STPG1: variants seen among roughly 807,000 people sequenced by gnomAD.
STPG1 encodes the protein sperm tail PG-rich repeat containing 1.
In STPG1, 33 loss-of-function variants were observed where a neutral mutation model predicts 40.1. The observed-to-expected ratio is 0.82, with a 90% CI of 0.62 to 1.10. STPG1 has a LOEUF of 1.10. STPG1 is among the 50% of genes least tolerant of loss of function. STPG1 has a pLI of 0.00. For missense variants in STPG1, 396 were observed against 415.1 expected (o/e 0.95, Z 0.40); for synonymous variants, 150 against 155.0 (o/e 0.97, Z 0.24).
At position 24,373,763 on chromosome 1, in the gene STPG1, G is replaced by T. The variant is rs781296318; in HGVS notation, c.510C>A (p.Ala170=). ...CTCTTTGGGTTTTTGACATAAACCC[G>T]GCTCGAGTACAGACGTTGTTTCTCT... ...CKQRNNVCTR[A]GFMSKTQRGS... is the part of the protein sequence containing the mutation. The change falls in exon 6 of 9, where the codon GCC becomes GCA. Residue 170 remains alanine (A), a synonymous_variant. Transcript: ENST00000337248. 1 of 1,612,614 alleles carries T rather than the reference G, an allele frequency of 6.2e-7. No individual in the cohort carries two copies. Among genetic ancestry groups the T allele is most frequent in the African/African-American group, 1.3e-5 (1 of 74,888 alleles).
intron 2 of STPG1, among the ~76,000 whole-genome samples, chr1:24,395,779 A>G (rs984328109): frequency 3.3e-5 from 5 of 152,150 alleles, no homozygotes; most frequent in Admixed American, 6.5e-5. Context: ...AGTAATGATT[A>G]CTGGCCGGGT....
chr1:24,362,505 A>G (rs1641187431), intron 7 of STPG1, among the ~76,000 whole-genome samples: 1 of 152,220 alleles, frequency 6.6e-6, no homozygotes, highest in African/African-American at 2.4e-5. Context: ...ACAGCATTGC[A>G]AGGAACAATG....
intron 1 of STPG1, among the ~76,000 whole-genome samples, 166 bp downstream of exon 1, chr1:24,413,508 G>C (rs1643842944): frequency 1.3e-5 from 2 of 152,270 alleles, no homozygotes. Context: ...AACTCCCATG[G>C]TGGCTTCTTC....
At chr1:24,370,635 A>G (rs1378047440) in intron 6 of STPG1, among the ~76,000 whole-genome samples, 1 of 151,960 alleles carries the variant, frequency 6.6e-6, no homozygotes, top group Non-Finnish European at 1.5e-5. Context: ...GGGACTACAG[A>G]TGCCCACCAC....
At chr1:24,401,108 A>C (rs147571761) in intron 2 of STPG1, 1 of 452,458 alleles carries the variant, frequency 2.2e-6, no homozygotes, top group African/African-American at 2.0e-5. Flanking sequence ...ATTTTTTAAC[A>C]GACTTCCTCC....
chr1:24,391,906 T>C lies in STPG1; in HGVS notation c.71-227A>G, dbSNP rs890147097. The C allele has an allele frequency of 8.7e-5, 112 of 1,282,412 alleles. No individual in the cohort carries two copies. In the African/African-American group the frequency reaches 1.6e-3, roughly 19 times the overall value. The allele number at this position is 1,282,412 out of a possible 1,614,324, so 79.4% of individuals were successfully genotyped here. A position where few individuals can be genotyped will look rare whatever the true frequency, so the allele number is the denominator to read the frequency against. The stretch of plus-strand genomic sequence containing the variant: ...CCCTCCAGCTCTTAAATTAGTGAGA[T>C]GTGGTCACATAAAGTACCTTAAACA... On this transcript the variant is annotated intron_variant, in intron 2 of 8. Transcript: ENST00000337248.
intron 1 of STPG1, among the ~76,000 whole-genome samples, chr1:24,407,834 GCT>G (rs1643473499): frequency 6.6e-6 from 1 of 152,084 alleles, no homozygotes; most frequent in Non-Finnish European, 1.5e-5. Context: ...TTACATTTGG[GCT>G]CTTTTTCTAT....
Position 24,391,599 on chromosome 1 carries a change from C to T in STPG1, c.151G>A (p.Gly51Arg). 1.3e-6 allele frequency: 2 copies of T among 1,539,256 alleles called. No homozygotes were observed. Among genetic ancestry groups the T allele is most frequent in the Non-Finnish European group, 1.8e-6 (2 of 1,137,520 alleles). Residue 51 changes from glycine (G) to arginine (R), a missense_variant, in exon 3 of 9, where the codon GGA becomes AGA. Physicochemically the swap from Gly to Arg is moderately radical, Grantham distance 125. Transcript: ENST00000337248. ...ASVIPESEKK[G>R]FNSQAKRFPH... ...AATCTCTTGGCTTGACTATTGAATC[C>T]TTTTTTTTCTGATTCTGGGATTACT...
intron 1 of STPG1, among the ~76,000 whole-genome samples, chr1:24,401,700 T>C (rs1454304939): frequency 6.6e-6 from 1 of 152,202 alleles, no homozygotes; most frequent in African/African-American, 2.4e-5. Flanking sequence ...ATTTTTATTT[T>C]TTATTTTTTG....
chr1:24,405,185 T>A (rs1257713053), intron 1 of STPG1, among the ~76,000 whole-genome samples: 1 of 152,184 alleles, frequency 6.6e-6, no homozygotes, highest in Non-Finnish European at 1.5e-5. Context: ...CTCGAACTCC[T>A]GACCTCAAGT....
intron 4 of STPG1, among the ~76,000 whole-genome samples, chr1:24,383,032 C>T (rs550584913): frequency 6.6e-6 from 1 of 151,980 alleles, no homozygotes; most frequent in African/African-American, 2.4e-5. Context: ...CCACCTCAGC[C>T]TCCCGAGTAG....
At chr1:24,367,161 C>T (rs1345328426) in intron 7 of STPG1, among the ~76,000 whole-genome samples, 5 of 152,306 alleles carry the variant, frequency 3.3e-5, no homozygotes, top group African/African-American at 4.8e-5. Flanking sequence ...CACCTGGCTT[C>T]GAGGCTGTTC....
chr1:24,411,484 C>T (rs540830828), intron 1 of STPG1, among the ~76,000 whole-genome samples: 1 of 152,284 alleles, frequency 6.6e-6, no homozygotes, highest in East Asian at 1.9e-4. Flanking sequence ...GTGTCGTCCA[C>T]TTGCTAGAGT....
rs1296714203 is a variant in STPG1 at position 24,359,353 on chromosome 1, C to T, written c.929-734G>A. On this transcript the variant is annotated intron_variant, in intron 8 of 8. Coordinates refer to ENST00000337248, the MANE Select transcript of STPG1 (RefSeq NM_001199013.2). This position sits in a 1 kb window ranked among gnomAD's most constrained non-coding sequence, Gnocchi z 5.3. The stretch of plus-strand genomic sequence containing the variant: ...AATGCTTCCAGAGGATGTGGTAGAG[C>T]AGGGTCAAAGCAGGATCCCTGCCTA... Among the ~76,000 whole-genome samples the T allele has an allele frequency of 6.6e-6, 1 of 152,238 alleles. No homozygotes were observed. Among genetic ancestry groups the T allele is most frequent in the Non-Finnish European group, 1.5e-5 (1 of 68,046 alleles).
intron 2 of STPG1, among the ~76,000 whole-genome samples, chr1:24,398,254 T>C (rs571472974): frequency 3.3e-5 from 5 of 152,186 alleles, no homozygotes; most frequent in East Asian, 3.9e-4. Flanking sequence ...GTTTAGTAGA[T>C]ACAGAAAAAG....
At chr1:24,361,462 C>T (rs1641110761) in intron 7 of STPG1, among the ~76,000 whole-genome samples, 1 of 152,064 alleles carries the variant, frequency 6.6e-6, no homozygotes, top group African/African-American at 2.4e-5. Flanking sequence ...CTCATATGGA[C>T]TCAATGGGAA....
intron 7 of STPG1, among the ~76,000 whole-genome samples, chr1:24,362,689 A>G (rs959549277): frequency 2.6e-5 from 4 of 152,188 alleles, no homozygotes; most frequent in Non-Finnish European, 5.9e-5. Flanking sequence ...GCCTCGTAAA[A>G]GACTGACAGG....
intron 5 of STPG1, among the ~76,000 whole-genome samples, chr1:24,378,846 G>A (rs1642151536): frequency 6.6e-6 from 1 of 152,136 alleles, no homozygotes; most frequent in Non-Finnish European, 1.5e-5. Flanking sequence ...TAACCCTGTA[G>A]GGCAAGTAGA....
chr1:24,378,707 A>T (rs1642144943), intron 5 of STPG1, among the ~76,000 whole-genome samples: 1 of 152,240 alleles, frequency 6.6e-6, no homozygotes, highest in Non-Finnish European at 1.5e-5. Context: ...AATATTATGA[A>T]GGAAAAAAGG....
Sources: allele counts gnomAD v4.1 joint callset (sites outside exome capture counted in the v4.1 genomes callset), GRCh38; gene constraint gnomAD v4.1.1; non-coding constraint Gnocchi (gnomAD v3.1); transcripts MANE v1.5; gene names NCBI Gene and HGNC (gene_info 2026-07-23, HGNC 2026-07-21).